Variants in SPATA31D3 observed in about 807,000 individuals in gnomAD.
The protein encoded by SPATA31D3 is spermatogenesis-associated protein 31D3.
For synonymous variants in SPATA31D3, 27 were observed against 107.8 expected (o/e 0.25, Z 4.65); for missense variants, 91 against 297.9 (o/e 0.31, Z 5.11).
chr9:81,948,189 G>T lies in SPATA31D3; in HGVS notation c.*182G>T, dbSNP rs1823936924. On this transcript the variant is annotated 3_prime_UTR_variant, in exon 4 of 4. Coordinates refer to ENST00000445385, the MANE Select transcript of SPATA31D3 (RefSeq NM_207416.3). ...GACGAAGCACTTTTCAAGGAGAAAA[G>T]TTGGGAACAACAAGCTCAGTCCCTG... The T allele has an allele frequency of 4.0e-6, 5 of 1,243,068 alleles. No homozygotes were observed. Among genetic ancestry groups the T allele is most frequent in the Non-Finnish European group, 5.5e-6 (5 of 905,090 alleles). The allele number at this position is 1,243,068 out of a possible 1,614,324, so 77.0% of individuals were successfully genotyped here.
Position 81,949,486 on chromosome 9 carries a change from A to C in SPATA31D3, c.*1479A>C. On this transcript the variant is annotated 3_prime_UTR_variant, in exon 4 of 4. Transcript: ENST00000445385. ...GCAGAATAGAGGTCGAGTTAAAAGT[A>C]GAGCTGTCTTTACTGGGACTATTGA... 5.9e-6 allele frequency: 3 copies of C among 505,174 alleles called. No homozygotes were observed. Among genetic ancestry groups the C allele is most frequent in the Non-Finnish European group, 1.1e-5 (3 of 269,906 alleles). The allele number at this position is 505,174 out of a possible 1,614,324, so 31.3% of individuals were successfully genotyped here. A position where few individuals can be genotyped will look rare whatever the true frequency, so the allele number is the denominator to read the frequency against.
At position 81,949,659 on chromosome 9, in the gene SPATA31D3, A is replaced by C; in HGVS notation, c.*1652A>C. 9.3e-7 allele frequency: 1 copy of C among 1,069,578 alleles called. No homozygotes were observed. Among genetic ancestry groups the C allele is most frequent in the South Asian group, 1.3e-5 (1 of 78,196 alleles). 66.3% of individuals were successfully genotyped at this position (1,069,578 alleles called of 1,614,324 possible). Reference sequence around the variant, plus strand: ...AGAATGTGCCAGAACTGCAGGTCAGAGCAGAGCCTGTCCAGGGCTATCCCT... The same window carrying C: ...AGAATGTGCCAGAACTGCAGGTCAGCGCAGAGCCTGTCCAGGGCTATCCCT... On this transcript the variant is annotated 3_prime_UTR_variant, in exon 4 of 4. Transcript: ENST00000445385.
In SPATA31D3 at chr9:81,949,397, C is replaced by A; in HGVS notation, c.*1390C>A. On this transcript the variant is annotated 3_prime_UTR_variant, in exon 4 of 4. Transcript: ENST00000445385. ...ACCTTTTTGCAGCAGTCTAATAAACCCATCATAACATATGGAAAACAAGAA... is the reference window on the plus strand; with the variant it reads ...ACCTTTTTGCAGCAGTCTAATAAACACATCATAACATATGGAAAACAAGAA... 2.8e-6 allele frequency: 1 copy of A among 357,742 alleles called. No homozygotes were observed. Among genetic ancestry groups the A allele is most frequent in the East Asian group, 6.1e-5 (1 of 16,338 alleles). 22.2% of individuals were successfully genotyped at this position (357,742 alleles called of 1,614,324 possible).
Position 81,949,750 on chromosome 9 carries a change from G to T in SPATA31D3, c.*1743G>T. On this transcript the variant is annotated 3_prime_UTR_variant, in exon 4 of 4. Coordinates refer to ENST00000445385, the MANE Select transcript of SPATA31D3 (RefSeq NM_207416.3). The stretch of plus-strand genomic sequence containing the variant: ...ATCTTGCAGCCAACAAGCTATCTTT[G>T]TCGGCCAGAATTATCCTGCAATGAT... 2.9e-6 allele frequency: 4 copies of T among 1,402,036 alleles called. No homozygotes were observed. The highest frequency in any genetic ancestry group is 4.0e-6 in the Non-Finnish European group (4 of 991,706). The allele number at this position is 1,402,036 out of a possible 1,614,324, so 86.8% of individuals were successfully genotyped here.
Position 81,948,064 on chromosome 9 carries a change from G to T in SPATA31D3, c.*57G>T, listed in dbSNP as rs966850681. 3 of 1,589,490 alleles carry T rather than the reference G, an allele frequency of 1.9e-6. No individual in the cohort carries two copies. The highest frequency in any genetic ancestry group is 1.2e-5 in the South Asian group (1 of 86,876). ...TGAACCCACAGAAATCTTCAAATCAGAAGAGGATATTTCCAATTCCTTTTC... is the reference window on the plus strand; with the variant it reads ...TGAACCCACAGAAATCTTCAAATCATAAGAGGATATTTCCAATTCCTTTTC... On this transcript the variant is annotated 3_prime_UTR_variant, in exon 4 of 4. Transcript: ENST00000445385.
Position 81,949,391 on chromosome 9 carries a change from AT to A in SPATA31D3, c.*1385del, listed in dbSNP as rs1463993021. On this transcript the variant is annotated 3_prime_UTR_variant, in exon 4 of 4. Transcript: ENST00000445385. ...ATGAAGACCTTTTTGCAGCAGTCTA[AT>A]AAACCCATCATAACATATGGAAAAC... is the stretch of plus-strand genomic sequence containing the variant. The A allele has an allele frequency of 1.1e-5, 4 of 363,654 alleles. No homozygotes were observed. The highest frequency in any genetic ancestry group is 8.3e-5 in the African/African-American group (4 of 47,972). The allele number at this position is 363,654 out of a possible 1,614,324, so 22.5% of individuals were successfully genotyped here. A position where few individuals can be genotyped will look rare whatever the true frequency, so the allele number is the denominator to read the frequency against.
chr9:81,949,824 A>T lies in SPATA31D3; in HGVS notation c.*1817A>T. 8.9e-7 allele frequency: 1 copy of T among 1,128,002 alleles called. No homozygotes were observed. The highest frequency in any genetic ancestry group is 1.3e-6 in the Non-Finnish European group (1 of 752,828). 69.9% of individuals were successfully genotyped at this position (1,128,002 alleles called of 1,614,324 possible). On this transcript the variant is annotated 3_prime_UTR_variant, in exon 4 of 4. Transcript: ENST00000445385. ...GATAGCCCCAGGAAGTTGGACATTTAAGGGGAAGATATTGTGTCAAAGGCA... is the reference window on the plus strand; with the variant it reads ...GATAGCCCCAGGAAGTTGGACATTTTAGGGGAAGATATTGTGTCAAAGGCA...
chr9:81,948,005 T>G lies in SPATA31D3; in HGVS notation c.2752T>G (p.Ter918GlyextTer89), dbSNP rs765994268. 5.7e-6 allele frequency: 9 copies of G among 1,583,772 alleles called. No individual in the cohort carries two copies. The highest frequency in any genetic ancestry group is 2.3e-5 in the East Asian group (1 of 43,700). Residue 918 changes from the stop codon to glycine, a stop_lost, in exon 4 of 4, where the codon TGA (stop) becomes GGA (glycine). Transcript: ENST00000445385. Reference protein sequence around the residue: ...HMKPILNLSI* With the variant: ...HMKPILNLSIG ...GAAGCCCATATTAAATCTTTCCATA[T>G]GAGGATGCTGTGGGGCCTTCCCCGC...
Position 81,949,200 on chromosome 9 carries a change from A to G in SPATA31D3, c.*1193A>G. 2.2e-6 allele frequency: 1 copy of G among 451,822 alleles called. No homozygotes were observed. The highest frequency in any genetic ancestry group is 4.1e-6 in the Non-Finnish European group (1 of 241,932). The allele number at this position is 451,822 out of a possible 1,614,324, so 28.0% of individuals were successfully genotyped here. ...CTACAAAGAGAGTGAGCCCTCTAAG[A>G]CCTAATGGAGGAGAGCTTGGTGGAG... On this transcript the variant is annotated 3_prime_UTR_variant, in exon 4 of 4. Transcript: ENST00000445385.
In SPATA31D3 at chr9:81,949,676, G is replaced by T; in HGVS notation, c.*1669G>T. Reference sequence around the variant, plus strand: ...CAGGTCAGAGCAGAGCCTGTCCAGGGCTATCCCTGCAACTACATGGCTCCC... The same window carrying T: ...CAGGTCAGAGCAGAGCCTGTCCAGGTCTATCCCTGCAACTACATGGCTCCC... On this transcript the variant is annotated 3_prime_UTR_variant, in exon 4 of 4. Coordinates refer to ENST00000445385, the MANE Select transcript of SPATA31D3 (RefSeq NM_207416.3). The T allele has an allele frequency of 1.6e-6, 2 of 1,214,852 alleles. No homozygotes were observed. Among genetic ancestry groups the T allele is most frequent in the Admixed American group, 1.7e-5 (1 of 58,432 alleles). The allele number at this position is 1,214,852 out of a possible 1,614,324, so 75.3% of individuals were successfully genotyped here. A position where few individuals can be genotyped will look rare whatever the true frequency, so the allele number is the denominator to read the frequency against.
Position 81,949,340 on chromosome 9 carries a change from CT to C in SPATA31D3, c.*1334del. ...TCCCCAACCTTGAAAACACAGCCTC[CT>C]CCTGAAAACCTTTTCGGAACATTGA... On this transcript the variant is annotated 3_prime_UTR_variant, in exon 4 of 4. Transcript: ENST00000445385. 1 of 362,908 alleles carries C rather than the reference CT, an allele frequency of 2.8e-6. No individual in the cohort carries two copies. The highest frequency in any genetic ancestry group is 5.4e-6 in the Non-Finnish European group (1 of 185,022). The allele number at this position is 362,908 out of a possible 1,614,324, so 22.5% of individuals were successfully genotyped here.
Position 81,949,938 on chromosome 9 carries a change from C to G in SPATA31D3, c.*1931C>G, listed in dbSNP as rs1356397740. 8.9e-6 allele frequency: 5 copies of G among 561,858 alleles called. No individual in the cohort carries two copies. Among genetic ancestry groups the G allele is most frequent in the East Asian group, 2.9e-5 (1 of 34,212 alleles). 34.8% of individuals were successfully genotyped at this position (561,858 alleles called of 1,614,324 possible). A position where few individuals can be genotyped will look rare whatever the true frequency, so the allele number is the denominator to read the frequency against. On this transcript the variant is annotated 3_prime_UTR_variant, in exon 4 of 4. Transcript: ENST00000445385. ...AACCTGGTGCCTCCGGTCATCCTGA[C>G]CAGTGCTAAAAACACTGTGTTCAGT...
rs979437386 is a variant in SPATA31D3 at position 81,949,206 on chromosome 9, T to A, written c.*1199T>A. On this transcript the variant is annotated 3_prime_UTR_variant, in exon 4 of 4. Coordinates refer to ENST00000445385, the MANE Select transcript of SPATA31D3 (RefSeq NM_207416.3). ...AGAGAGTGAGCCCTCTAAGACCTAA[T>A]GGAGGAGAGCTTGGTGGAGGGGATG... is the stretch of plus-strand genomic sequence containing the variant. 4.6e-6 allele frequency: 2 copies of A among 434,572 alleles called. No homozygotes were observed. The highest frequency in any genetic ancestry group is 4.0e-5 in the African/African-American group (2 of 50,246). The allele number at this position is 434,572 out of a possible 1,614,324, so 26.9% of individuals were successfully genotyped here.
chr9:81,949,573 T>C lies in SPATA31D3; in HGVS notation c.*1566T>C, dbSNP rs1266760971. 4.8e-6 allele frequency: 3 copies of C among 621,970 alleles called. No homozygotes were observed. The East Asian group carries it at 8.9e-5, about 18-fold the overall frequency. The allele number at this position is 621,970 out of a possible 1,614,324, so 38.5% of individuals were successfully genotyped here. On this transcript the variant is annotated 3_prime_UTR_variant, in exon 4 of 4. Transcript: ENST00000445385. ...AGAAGAGAAGCTGGGGCATAGACAT[T>C]GAATAGATATCACCTGTCCCCAGGA... is the stretch of plus-strand genomic sequence containing the variant.
In SPATA31D3 at chr9:81,947,738, G is replaced by A. The variant is rs1303786327; in HGVS notation, c.2485G>A (p.Val829Ile). 1.2e-6 allele frequency: 2 copies of A among 1,600,752 alleles called. No individual in the cohort carries two copies. The highest frequency in any genetic ancestry group is 3.5e-5 in the Admixed American group (2 of 57,876). Residue 829 changes from valine (V) to isoleucine (I), a missense_variant, in exon 4 of 4, where the codon GTA (valine) becomes ATA (isoleucine). Coordinates refer to ENST00000445385, the MANE Select transcript of SPATA31D3 (RefSeq NM_207416.3). ...GQKQLENALT[V>I]HLSKKFEEIN... ...GAAACAACTTGAAAATGCCCTGACA[G>A]TACATTTGAGCAAGAAATTTGAGGA...
In SPATA31D3 at chr9:81,950,081, C is replaced by A; in HGVS notation, c.*2074C>A. ...ATCTTGACTCTCCCCAATAAACGTT[C>A]TAATAAGAATAAGAAGGATGTCTTT... On this transcript the variant is annotated 3_prime_UTR_variant, in exon 4 of 4. Coordinates refer to ENST00000445385, the MANE Select transcript of SPATA31D3 (RefSeq NM_207416.3). 1 of 252,356 alleles carries A rather than the reference C, an allele frequency of 4.0e-6. No homozygotes were observed. The highest frequency in any genetic ancestry group is 8.9e-5 in the South Asian group (1 of 11,204). The allele number at this position is 252,356 out of a possible 1,614,324, so 15.6% of individuals were successfully genotyped here.
Position 81,949,619 on chromosome 9 carries a change from A to T in SPATA31D3, c.*1612A>T. The T allele has an allele frequency of 2.6e-6, 2 of 759,248 alleles. No individual in the cohort carries two copies. Among genetic ancestry groups the T allele is most frequent in the South Asian group, 1.5e-5 (1 of 66,570 alleles). The allele number at this position is 759,248 out of a possible 1,614,324, so 47.0% of individuals were successfully genotyped here. A position where few individuals can be genotyped will look rare whatever the true frequency, so the allele number is the denominator to read the frequency against. ...CAGGAGCCCCTTTCCTCCCCAGTGCAGCTTGGGAAATCTCAGAATGTGCCA... is the reference window on the plus strand; with the variant it reads ...CAGGAGCCCCTTTCCTCCCCAGTGCTGCTTGGGAAATCTCAGAATGTGCCA... On this transcript the variant is annotated 3_prime_UTR_variant, in exon 4 of 4. Transcript: ENST00000445385.
chr9:81,949,607 C>T lies in SPATA31D3; in HGVS notation c.*1600C>T. On this transcript the variant is annotated 3_prime_UTR_variant, in exon 4 of 4. Coordinates refer to ENST00000445385, the MANE Select transcript of SPATA31D3 (RefSeq NM_207416.3). ...ATCACCTGTCCCCAGGAGCCCCTTT[C>T]CTCCCCAGTGCAGCTTGGGAAATCT... 2.8e-6 allele frequency: 2 copies of T among 705,776 alleles called. No homozygotes were observed. The highest frequency in any genetic ancestry group is 5.1e-6 in the Non-Finnish European group (2 of 389,226). 43.7% of individuals were successfully genotyped at this position (705,776 alleles called of 1,614,324 possible).
At position 81,950,017 on chromosome 9, in the gene SPATA31D3, A is replaced by C. The variant is rs1318336091; in HGVS notation, c.*2010A>C. 6.0e-6 allele frequency: 2 copies of C among 334,752 alleles called. No individual in the cohort carries two copies. The highest frequency in any genetic ancestry group is 6.1e-4 in the Middle Eastern group (1 of 1,642). The allele number at this position is 334,752 out of a possible 1,614,324, so 20.7% of individuals were successfully genotyped here. ...TACTTCCAAAGCATTTGCAGGGAGG[A>C]AAATTTCCCCCCAAAAAATAATTAA... On this transcript the variant is annotated 3_prime_UTR_variant, in exon 4 of 4. Transcript: ENST00000445385.
Sources: gnomAD v4.1 joint callset for allele counts on GRCh38, gnomAD v4.1.1 for gene constraint, MANE v1.5 for transcripts, NCBI Gene and HGNC (gene_info 2026-07-23, HGNC 2026-07-21) for gene names.